SMARCA5: variants seen among roughly 807,000 people sequenced by gnomAD.
SMARCA5 encodes SNF2 related chromatin remodeling ATPase 5, also known as SWI/SNF-related matrix-associated actin-dependent regulator of chromatin subfamily A member 5.
In SMARCA5, 18 loss-of-function variants were observed where a neutral mutation model predicts 140.4. That is an observed-to-expected ratio of 0.13 (90% CI 0.09 to 0.19). The LOEUF is 0.19. SMARCA5 is among the 10% of genes least tolerant of loss of function. SMARCA5 has a pLI of 1.00. For missense variants in SMARCA5, 606 were observed against 1,276.8 expected (o/e 0.47, Z 8.01); for synonymous variants, 449 against 419.6 (o/e 1.07, Z -0.86).
At position 143,557,254 on chromosome 4, in the gene SMARCA5, T is replaced by A. The variant is rs539742953; in HGVS notation, c.*4070T>A. The A allele has an allele frequency of 7.2e-5, 11 of 152,348 alleles. No homozygotes were observed. Among genetic ancestry groups the A allele is most frequent in the African/African-American group, 2.6e-4 (11 of 41,576 alleles). The allele number at this position is 152,348 out of a possible 1,614,324, so 9.4% of individuals were successfully genotyped here. A position where few individuals can be genotyped will look rare whatever the true frequency, so the allele number is the denominator to read the frequency against. Reference sequence around the variant, plus strand: ...ATCTCCAGTACAAGAAGAAAGTTTATCAGAATTTAGTTAATGTTGGAAACT... The same window carrying A: ...ATCTCCAGTACAAGAAGAAAGTTTAACAGAATTTAGTTAATGTTGGAAACT... On this transcript the variant is annotated 3_prime_UTR_variant, in exon 24 of 24. Transcript: ENST00000283131.
chr4:143,550,212 T>A, intron 23 of SMARCA5, 108 bp downstream of exon 23: 2 of 409,516 alleles, frequency 4.9e-6, no homozygotes, highest in Non-Finnish European at 8.6e-6. Context: ...TGTGCACCCC[T>A]CCATTGCCTT....
intron 14 of SMARCA5, among the ~76,000 whole-genome samples, chr4:143,541,070 A>T (rs1219207818): frequency 6.6e-6 from 1 of 152,204 alleles, no homozygotes; most frequent in Non-Finnish European, 1.5e-5. Flanking sequence ...GATGAAGTAA[A>T]CAAGGGTATA....
rs796992754 is a variant in SMARCA5 at position 143,535,021 on chromosome 4, G to A, written c.1268+57G>A. Reference sequence around the variant, plus strand: ...ATTGATTCTTCCCTAAATTTCATGTGTATTTTGTTTTCCTAATTTGTGTCT... The same window carrying A: ...ATTGATTCTTCCCTAAATTTCATGTATATTTTGTTTTCCTAATTTGTGTCT... On this transcript the variant is annotated intron_variant, in intron 10 of 23. Transcript: ENST00000283131. 1.1e-5 allele frequency: 13 copies of A among 1,223,620 alleles called. No individual in the cohort carries two copies. In the African/African-American group the frequency reaches 1.4e-4, roughly 13 times the overall value. The allele number at this position is 1,223,620 out of a possible 1,614,324, so 75.8% of individuals were successfully genotyped here.
chr4:143,514,243 T>C (rs1283395972), intron 1 of SMARCA5, 142 bp downstream of exon 1: 2 of 742,540 alleles, frequency 2.7e-6, no homozygotes, highest in South Asian at 3.8e-5. Flanking sequence ...TACGAAATGA[T>C]GCTCTCACTC....
intron 23 of SMARCA5, among the ~76,000 whole-genome samples, chr4:143,550,501 T>A (rs1737621652): frequency 6.6e-6 from 1 of 152,020 alleles, no homozygotes; most frequent in African/African-American, 2.4e-5. Context: ...TTTATTGCGG[T>A]AGTCACTGTG....
At chr4:143,542,731 T>C (rs1462260736) in intron 14 of SMARCA5, among the ~76,000 whole-genome samples, 1 of 152,234 alleles carries the variant, frequency 6.6e-6, no homozygotes, top group East Asian at 1.9e-4. Flanking sequence ...TTTTTATACC[T>C]GTATTTTTGA....
At chr4:143,547,085 T>A (rs1737539731) in intron 20 of SMARCA5, among the ~76,000 whole-genome samples, 177 bp downstream of exon 20, 6 of 152,168 alleles carry the variant, frequency 3.9e-5, no homozygotes, top group Admixed American at 3.3e-4. Context: ...ATGGTTTCCT[T>A]TTTAAAAATT....
chr4:143,514,253 C>G (rs1343218045), intron 1 of SMARCA5, 152 bp downstream of exon 1: 1 of 692,456 alleles, frequency 1.4e-6, no homozygotes, highest in African/African-American at 1.9e-5. Context: ...TGCTCTCACT[C>G]TTGCTCCCTT....
chr4:143,532,516 C>T (rs1737210715), intron 9 of SMARCA5, among the ~76,000 whole-genome samples: 1 of 152,136 alleles, frequency 6.6e-6, no homozygotes, highest in African/African-American at 2.4e-5. Flanking sequence ...CTTGTAGCTA[C>T]CTCTCTACTT....
chr4:143,514,223 A>G (rs60484581), intron 1 of SMARCA5, 122 bp downstream of exon 1: 10 of 881,904 alleles, frequency 1.1e-5, no homozygotes, highest in Non-Finnish European at 1.7e-5. Context: ...TCAGCTTCAC[A>G]CCCTGTGGAT....
At chr4:143,540,628 T>C in intron 14 of SMARCA5, 133 bp downstream of exon 14, 1 of 772,670 alleles carries the variant, frequency 1.3e-6, no homozygotes, top group Non-Finnish European at 2.1e-6. Context: ...ATGACTTGTA[T>C]TGCAAATACA....
chr4:143,523,003 G>A lies in SMARCA5; in HGVS notation c.420-1364G>A, dbSNP rs1016607403. On this transcript the variant is annotated intron_variant, in intron 3 of 23. Transcript: ENST00000283131. ...ATGAGGGTCATAGTATTGTCTTTGG[G>A]TATCAGGAATACATTTTTTTAAATC... Among the ~76,000 whole-genome samples the A allele has an allele frequency of 4.6e-5, 7 of 152,124 alleles. No homozygotes were observed. In the East Asian group the frequency reaches 1.3e-3, roughly 29 times the overall value.
chr4:143,537,148 TG>T (rs1490265518), intron 11 of SMARCA5, among the ~76,000 whole-genome samples: 1 of 152,182 alleles, frequency 6.6e-6, no homozygotes, highest in Non-Finnish European at 1.5e-5. Context: ...GGTATGTCTG[TG>T]TTGTGTGTTT....
Position 143,553,146 on chromosome 4 carries a change from C to T in SMARCA5, c.3121C>T (p.Pro1041Ser), listed in dbSNP as rs761915646. 1.6e-4 allele frequency: 255 copies of T among 1,612,430 alleles called. No homozygotes were observed. Among genetic ancestry groups the T allele is most frequent in the Non-Finnish European group, 2.0e-4 (235 of 1,178,882 alleles). The change falls in exon 24 of 24, where the codon CCT becomes TCT. Residue 1041 changes from proline (P) to serine (S), a missense_variant. By Grantham distance (74) the Pro-to-Ser change is moderately conservative. Transcript: ENST00000283131. ...STQKRKMDGA[P>S]DGRGRKKKLK... ...ACAGAAACGTAAAATGGATGGCGCA[C>T]CTGATGGTCGAGGAAGAAAAAAGAA...
chr4:143,550,240 T>C, intron 23 of SMARCA5, 136 bp downstream of exon 23: 1 of 394,718 alleles, frequency 2.5e-6, no homozygotes, highest in Non-Finnish European at 4.6e-6. Context: ...TTTTTTTTTT[T>C]TTTTTCCTTA....
chr4:143,537,742 C>T (rs1234984355), intron 11 of SMARCA5, among the ~76,000 whole-genome samples: 4 of 151,970 alleles, frequency 2.6e-5, no homozygotes, highest in African/African-American at 9.7e-5. Flanking sequence ...TGGTGAAACC[C>T]TGTCTCTATC....
intron 1 of SMARCA5, among the ~76,000 whole-genome samples, chr4:143,516,858 A>G (rs1736851839): frequency 6.6e-6 from 1 of 152,214 alleles, no homozygotes; most frequent in South Asian, 2.1e-4. Context: ...ATCAGACTGT[A>G]GTTAGAGTAT....
At position 143,513,934 on chromosome 4, in the gene SMARCA5, G is replaced by C; in HGVS notation, c.10G>C (p.Ala4Pro). The stretch of plus-strand genomic sequence containing the variant: ...ACGCAGACGGAACATCATGTCGTCC[G>C]CGGCCGAGCCTCCGCCACCCCCGCC... The part of the protein sequence containing the change: MSS[A>P]AEPPPPPPPE... The change falls in exon 1 of 24, where the codon GCG becomes CCG. Residue 4 changes from alanine (A) to proline (P), a missense_variant. Around this residue, in one of 10 missense-constraint regions of SMARCA5, gnomAD observed 164 missense variants for 128.4 expected, o/e 1.28. Transcript: ENST00000283131. 3 of 1,544,652 alleles carry C rather than the reference G, an allele frequency of 1.9e-6. No homozygotes were observed. Among genetic ancestry groups the C allele is most frequent in the Non-Finnish European group, 2.6e-6 (3 of 1,152,216 alleles).
Position 143,524,384 on chromosome 4 carries a change from C to A in SMARCA5, c.437C>A (p.Thr146Lys). 1 of 1,611,350 alleles carries A rather than the reference C, an allele frequency of 6.2e-7. No homozygotes were observed. The change falls in exon 4 of 24, where the codon ACA becomes AAA. Residue 146 changes from threonine (T) to lysine (K), a missense_variant. Transcript: ENST00000283131. ...LSVGDYRHRR[T>K]EQEEDEELLT... ...CTTAACAGTTACCGACACCGTAGAA[C>A]AGAGCAAGAGGAGGATGAAGAGCTA...
Sources: gnomAD v4.1 joint callset for allele counts (sites outside exome capture counted in the v4.1 genomes callset) on GRCh38, gnomAD v4.1.1 for gene constraint, gnomAD v4.1.1 regional missense constraint, MANE v1.5 for transcripts, NCBI Gene and HGNC (gene_info 2026-07-23, HGNC 2026-07-21) for gene names.